DAB1: variants seen among roughly 807,000 people sequenced by gnomAD.
DAB1 encodes DAB adaptor protein 1, also known as disabled homolog 1.
A neutral mutation model predicts 64.6 loss-of-function variants in DAB1; 15 were observed. The observed-to-expected ratio is 0.23, with a 90% CI of 0.16 to 0.36. The LOEUF (loss-of-function observed/expected upper bound fraction) is 0.36. Among genes scored for constraint, DAB1 ranks in the 10% least tolerant of loss-of-function variants. The pLI, the probability that DAB1 is intolerant of heterozygous loss-of-function variation, is 1.00. For synonymous variants in DAB1, 235 were observed against 251.9 expected (o/e 0.93, Z 0.64); for missense variants, 596 against 706.7 (o/e 0.84, Z 1.78).
chr1:57,669,596 T>C (rs1646487645), intron 6 of DAB1, among the ~76,000 whole-genome samples: 1 of 152,176 alleles, frequency 6.6e-6, no homozygotes, highest in African/African-American at 2.4e-5. Context: ...TGCCCAGCAC[T>C]GTATACTAGC....
chr1:57,212,229 A>T (rs1270984019), intron 2 of DAB1, among the ~76,000 whole-genome samples: 12 of 151,852 alleles, frequency 7.9e-5, no homozygotes, highest in Non-Finnish European at 1.8e-4. Context: ...GAATGACCAG[A>T]CCCCCAGTGA....
upstream of DAB1, among the ~76,000 whole-genome samples, chr1:57,888,274 CCGAGA>C (rs550684507): frequency 5.1e-4 from 77 of 152,246 alleles, no homozygotes; most frequent in African/African-American, 1.1e-3. Flanking sequence ...CACAAACATA[CCGAGA>C]CAAGTCAATT....
At chr1:58,223,440 C>T (rs2100329809) in intron 4 of DAB1, among the ~76,000 whole-genome samples, 1 of 152,308 alleles carries the variant, frequency 6.6e-6, no homozygotes, top group East Asian at 1.9e-4. Context: ...CTAGGCTAAG[C>T]AACAAATTCT....
chr1:58,120,979 C>T (rs1328345006), intron 5 of DAB1, among the ~76,000 whole-genome samples: 1 of 152,110 alleles, frequency 6.6e-6, no homozygotes, highest in Non-Finnish European at 1.5e-5. Context: ...AGTTTCATCT[C>T]GTTAGGTTCA....
intron 5 of DAB1, among the ~76,000 whole-genome samples, chr1:58,082,959 T>G (rs1650090091): frequency 6.6e-6 from 1 of 152,174 alleles, no homozygotes; most frequent in Non-Finnish European, 1.5e-5. Context: ...CAAAATCCAG[T>G]CAAGTGGCTT....
chr1:57,236,345 A>G (rs1668085845), intron 2 of DAB1, among the ~76,000 whole-genome samples: 3 of 152,208 alleles, frequency 2.0e-5, no homozygotes, highest in Non-Finnish European at 4.4e-5. Context: ...GGGAAGAAAC[A>G]TGTAAAGATG....
intron 7 of DAB1, among the ~76,000 whole-genome samples, chr1:57,606,423 C>CAT (rs1645638763): frequency 1.9e-5 from 2 of 104,600 alleles, no homozygotes; most frequent in African/African-American, 3.5e-5. Context: ...ATATATATTT[C>CAT]ATATATAAAA....
At chr1:57,221,443 CA>C (rs386367039) in intron 2 of DAB1, among the ~76,000 whole-genome samples, 342 of 127,336 alleles carry the variant, frequency 2.7e-3, no homozygotes, top group African/African-American at 3.1e-3. Flanking sequence ...TGTGGCATTA[CA>C]AAAAAAAAAA....
intron 3 of DAB1, among the ~76,000 whole-genome samples, chr1:58,395,285 G>A (rs934480056): frequency 1.3e-5 from 2 of 152,086 alleles, no homozygotes; most frequent in African/African-American, 2.4e-5. Context: ...GATAATGTTT[G>A]AGGAACTTTG....
At chr1:58,424,483 C>T (rs939268237) in intron 3 of DAB1, among the ~76,000 whole-genome samples, 1 of 152,194 alleles carries the variant, frequency 6.6e-6, no homozygotes, top group African/African-American at 2.4e-5. Context: ...CTGCACCCAC[C>T]TTTCTAGATG....
At chr1:58,439,462 AC>A (rs1644983675) in intron 3 of DAB1, among the ~76,000 whole-genome samples, 3 of 152,168 alleles carry the variant, frequency 2.0e-5, no homozygotes. Flanking sequence ...AGTGACCTGA[AC>A]CCTAGATTCT....
chr1:57,452,972 A>C (rs566954146), intron 7 of DAB1, among the ~76,000 whole-genome samples: 4 of 151,930 alleles, frequency 2.6e-5, no homozygotes, highest in African/African-American at 4.8e-5. Flanking sequence ...AAGGAAGAAA[A>C]GGCAGAGTGA....
At chr1:57,852,360 C>A (rs12138384) in intron 1 of DAB1, among the ~76,000 whole-genome samples, 4,651 of 152,226 alleles carry the variant, frequency 0.031, 108 homozygotes, top group East Asian at 0.13. Flanking sequence ...CTTCATAGCA[C>A]CTAAGTATGA....
At chr1:58,471,057 T>C (rs942056750) in intron 3 of DAB1, among the ~76,000 whole-genome samples, 2 of 152,218 alleles carry the variant, frequency 1.3e-5, no homozygotes, top group African/African-American at 4.8e-5. Context: ...GTAGGAATAC[T>C]TTTAGGTGCA....
chr1:57,609,064 C>G (rs915545048), intron 7 of DAB1, among the ~76,000 whole-genome samples: 1 of 152,136 alleles, frequency 6.6e-6, no homozygotes, highest in Non-Finnish European at 1.5e-5. Context: ...GGTCCAACTC[C>G]CTCTGACCTT....
At chr1:57,346,797 G>T (rs1418534418) in intron 1 of DAB1, among the ~76,000 whole-genome samples, 1 of 152,154 alleles carries the variant, frequency 6.6e-6, no homozygotes, top group Non-Finnish European at 1.5e-5. Flanking sequence ...AAGTTTTCAA[G>T]ATAGACTGAG....
intron 4 of DAB1, among the ~76,000 whole-genome samples, chr1:57,090,270 G>C (rs1653522007): frequency 6.6e-6 from 1 of 152,154 alleles, no homozygotes; most frequent in Non-Finnish European, 1.5e-5. Context: ...GCAGAACAAA[G>C]ACCCCTGCTG....
intron 4 of DAB1, among the ~76,000 whole-genome samples, chr1:57,095,775 GGTTAAA>G (rs1414889168): frequency 6.6e-6 from 1 of 152,052 alleles, no homozygotes; most frequent in Non-Finnish European, 1.5e-5. Flanking sequence ...GAACCATTCT[GGTTAAA>G]GATAAATAAA....
At chr1:57,281,570 A>T (rs543821101) in intron 2 of DAB1, among the ~76,000 whole-genome samples, 1 of 152,256 alleles carries the variant, frequency 6.6e-6, no homozygotes, top group African/African-American at 2.4e-5. Context: ...CAGACCAGAC[A>T]GCACCTCTCT....
Sources: allele counts gnomAD v4.1 joint callset (sites outside exome capture counted in the v4.1 genomes callset), GRCh38; gene constraint gnomAD v4.1.1; transcripts MANE v1.5; gene names NCBI Gene and HGNC (gene_info 2026-07-23, HGNC 2026-07-21).